The following NOTCH1 variants were observed in gnomAD, a reference collection of about 807,000 sequenced individuals.
NOTCH1 encodes neurogenic locus notch homolog protein 1.
Under a neutral mutation model 254.8 loss-of-function variants are expected in NOTCH1, and 37 were observed. The ratio of observed to expected loss-of-function variants is 0.15; its 90% CI spans 0.11 to 0.19. The LOEUF (loss-of-function observed/expected upper bound fraction) is 0.19, where lower values mean the gene tolerates loss of function less well. Among genes scored for constraint, NOTCH1 ranks in the 10% least tolerant of loss-of-function variants. NOTCH1 has a pLI of 1.00. For synonymous variants in NOTCH1, 1,731 were observed against 1,618.1 expected (o/e 1.07, Z -1.68); for missense variants, 2,972 against 3,708.6 (o/e 0.80, Z 5.16).
chr9:136,545,839 G>C lies in NOTCH1; in HGVS notation c.-53C>G, dbSNP rs1843808312. 8 of 1,034,326 alleles carry C rather than the reference G, an allele frequency of 7.7e-6. No individual in the cohort carries two copies. Among genetic ancestry groups the C allele is most frequent in the Non-Finnish European group, 8.5e-6 (7 of 822,064 alleles). 64.1% of individuals were successfully genotyped at this position (1,034,326 alleles called of 1,614,324 possible). A position where few individuals can be genotyped will look rare whatever the true frequency, so the allele number is the denominator to read the frequency against. On this transcript the variant is annotated 5_prime_UTR_variant, in exon 1 of 34. Transcript: ENST00000651671. This position sits in a 1 kb window ranked among gnomAD's most constrained non-coding sequence, Gnocchi z 6.8. ...CGGGCGGCGGCCTCCTGCGCTGGCCGGCGGGGCTGGGACGCACACGCGCGG... is the reference window on the plus strand; with the variant it reads ...CGGGCGGCGGCCTCCTGCGCTGGCCCGCGGGGCTGGGACGCACACGCGCGG...
At position 136,497,351 on chromosome 9, in the gene NOTCH1, C is replaced by G. The variant is rs915267438; in HGVS notation, c.6388G>C (p.Gly2130Arg). ...RSPQLHGAPL[G>R]GTPTLSPPLC... ...GGGGGCGACAGGGTGGGCGTGCCCC[C>G]CAGCGGGGCTCCGTGCAGCTGCGGG... The change falls in exon 34 of 34, where the codon GGG becomes CGG. Residue 2130 changes from glycine to arginine, a missense_variant. Gly to Arg is a moderately radical substitution (Grantham distance 125, BLOSUM62 -2). Coordinates refer to ENST00000651671, the MANE Select transcript of NOTCH1 (RefSeq NM_017617.5). 5.0e-6 allele frequency: 8 copies of G among 1,606,596 alleles called. No individual in the cohort carries two copies. The highest frequency in any genetic ancestry group is 4.0e-5 in the African/African-American group (3 of 74,924).
At chr9:136,509,099 G>A (rs1279270867) in intron 18 of NOTCH1, 28 bp from the exon 19 acceptor site, 8 of 1,543,286 alleles carry the variant, frequency 5.2e-6, no homozygotes, top group Non-Finnish European at 7.0e-6. Flanking sequence ...GGCGGGGGCT[G>A]AGTGGAGGGC....
At chr9:136,500,898 A>C (rs1842985216) in intron 30 of NOTCH1, 51 bp from the exon 31 acceptor site, 2 of 1,528,168 alleles carry the variant, frequency 1.3e-6, no homozygotes. Flanking sequence ...CCCCAGCTGC[A>C]GCCCAGGGGG....
chr9:136,498,759 GTGGGGCCCACATGCGGGC>G, intron 33 of NOTCH1, 122 bp downstream of exon 33: 1 of 936,818 alleles, frequency 1.1e-6, no homozygotes, highest in Non-Finnish European at 1.7e-6. Flanking sequence ...CATCATGCGG[GTGGGGCCCACATGCGGGC>G]CCAGCGACCC....
At position 136,506,444 on chromosome 9, in the gene NOTCH1, G is replaced by A. The variant is rs979010825; in HGVS notation, c.4014+83C>T. On this transcript the variant is annotated intron_variant, in intron 24 of 33. Coordinates refer to ENST00000651671, the MANE Select transcript of NOTCH1 (RefSeq NM_017617.5). The surrounding 1 kb of genome is among the most constrained non-coding windows in gnomAD (Gnocchi z 4.5). The stretch of plus-strand genomic sequence containing the variant: ...ATGAAGGCCGGGAGGATCACTGCCC[G>A]GTCTGCGCCCCGAGGCCCCCACGTG... The A allele has an allele frequency of 6.6e-6, 8 of 1,216,054 alleles. No individual in the cohort carries two copies. The highest frequency in any genetic ancestry group is 5.2e-5 in the South Asian group (4 of 77,268). 75.3% of individuals were successfully genotyped at this position (1,216,054 alleles called of 1,614,324 possible).
At chr9:136,520,190 G>A (rs1843344368) in intron 4 of NOTCH1, among the ~76,000 whole-genome samples, 1 of 152,152 alleles carries the variant, frequency 6.6e-6, no homozygotes, top group African/African-American at 2.4e-5. Flanking sequence ...ACTCCCGCTG[G>A]TTCAATGATC....
chr9:136,496,957 C>T lies in NOTCH1; in HGVS notation c.6782G>A (p.Gly2261Asp), dbSNP rs914963993. 2 of 1,610,940 alleles carry T rather than the reference C, an allele frequency of 1.2e-6. No individual in the cohort carries two copies. Among genetic ancestry groups the T allele is most frequent in the Middle Eastern group, 1.7e-4 (1 of 5,944 alleles). Residue 2261 changes from glycine (G) to aspartate (D), a missense_variant, in exon 34 of 34, where the codon GGC becomes GAC. By Grantham distance (94) the Gly-to-Asp change is moderately conservative. Transcript: ENST00000651671. ...AKPEMAALGG[G>D]GRLAFETGPP... is the part of the protein sequence containing the mutation. The stretch of plus-strand genomic sequence containing the variant: ...GCCAGTCTCAAAGGCCAGCCGGCCG[C>T]CCCCACCCAGCGCCGCCATCTCGGG...
At chr9:136,516,910 G>A (rs1424032161) in intron 9 of NOTCH1, among the ~76,000 whole-genome samples, 2 of 151,936 alleles carry the variant, frequency 1.3e-5, no homozygotes, top group African/African-American at 4.8e-5. Context: ...CCAATGGCCA[G>A]GCCCCCCTCA....
intron 9 of NOTCH1, among the ~76,000 whole-genome samples, chr9:136,516,368 G>T (rs922515599): frequency 3.3e-5 from 5 of 152,222 alleles, no homozygotes; most frequent in African/African-American, 1.2e-4. Context: ...GCTGAGAATG[G>T]GGCTCCCCTC....
rs1238304834 is a variant in NOTCH1, at chr9:136,515,368, C to T, written c.1936G>A (p.Ala646Thr). The change falls in exon 12 of 34, where the codon GCC becomes ACC. Residue 646 changes from alanine to threonine, a missense_variant. Transcript: ENST00000651671. Reference protein sequence around the residue: ...PNCEINLDDCASSPCDSGTCL... With the variant: ...PNCEINLDDCTSSPCDSGTCL... ...GTGCCCGAGTCGCAGGGGCTGCTGG[C>T]ACAGTCATCCAGGTTGATCTCGCAG... 2 of 1,613,024 alleles carry T rather than the reference C, an allele frequency of 1.2e-6. No homozygotes were observed. Among genetic ancestry groups the T allele is most frequent in the Non-Finnish European group, 1.7e-6 (2 of 1,179,982 alleles).
Position 136,501,739 on chromosome 9 carries a change from C to A in NOTCH1, c.5638+9G>T. 6.2e-7 allele frequency: 1 copy of A among 1,610,438 alleles called. No individual in the cohort carries two copies. Among genetic ancestry groups the A allele is most frequent in the Non-Finnish European group, 8.5e-7 (1 of 1,179,712 alleles). ...GGGCTAGGGAAGCCCTGGCTGCTGGCACCCTTACCAGGCCCGCGGACATTG... is the reference window on the plus strand; with the variant it reads ...GGGCTAGGGAAGCCCTGGCTGCTGGAACCCTTACCAGGCCCGCGGACATTG... On this transcript the variant is annotated intron_variant, in intron 30 of 33. Transcript: ENST00000651671.
rs2133342981 is a variant in NOTCH1 at position 136,506,673 on chromosome 9, C to A, written c.3902-34G>T. On this transcript the variant is annotated intron_variant, in intron 23 of 33. Transcript: ENST00000651671. The surrounding 1 kb of genome is among the most constrained non-coding windows in gnomAD (Gnocchi z 4.5). ...AAGAGCAGGGCAGTGAGAGGCTCAC[C>A]CTGCTGCCCCACACGCCCCACCCGC... 6.3e-7 allele frequency: 1 copy of A among 1,597,658 alleles called. No individual in the cohort carries two copies. The highest frequency in any genetic ancestry group is 8.5e-7 in the Non-Finnish European group (1 of 1,172,930).
At chr9:136,510,345 T>G (rs1843158878) in intron 17 of NOTCH1, among the ~76,000 whole-genome samples, 1 of 151,722 alleles carries the variant, frequency 6.6e-6, no homozygotes, top group South Asian at 2.1e-4. Flanking sequence ...AGCCCTGGCC[T>G]GCAGCGGGGC....
At chr9:136,519,362 G>A (rs1265468269) in intron 5 of NOTCH1, 81 bp downstream of exon 5, 72 of 1,578,600 alleles carry the variant, frequency 4.6e-5, no homozygotes, top group African/African-American at 4.0e-5. Flanking sequence ...GCTGCTCCCC[G>A]CTATGCCTGT....
rs369957486 is a variant in NOTCH1, at chr9:136,499,437, G to A, written c.5935-178C>T. ...TGGGGCTGCCCCTGAGGAGGGGCCC[G>A]GATGGGGGCAGGGGCTGTGCTGCCC... On this transcript the variant is annotated intron_variant, in intron 31 of 33. Coordinates refer to ENST00000651671, the MANE Select transcript of NOTCH1 (RefSeq NM_017617.5). Among the ~76,000 whole-genome samples the A allele has an allele frequency of 3.6e-3, 548 of 152,356 alleles. 5 individuals are homozygous for A. Among genetic ancestry groups the A allele is most frequent in the African/African-American group, 0.013 (522 of 41,580 alleles).
Position 136,497,255 on chromosome 9 carries a change from T to A in NOTCH1, c.6484A>T (p.Ser2162Cys), listed in dbSNP as rs1296693438. The change falls in exon 34 of 34, where the codon AGC becomes TGC. Residue 2162 changes from serine (S) to cysteine (C), a missense_variant. Ser to Cys is a moderately radical substitution (Grantham distance 112). Coordinates refer to ENST00000651671, the MANE Select transcript of NOTCH1 (RefSeq NM_017617.5). Reference sequence around the variant, plus strand: ...CTTCCACAGGCCAGGCCTTTGCTGCTGGGCTTGCGGACCTTCTTGCCCTGC... The same window carrying A: ...CTTCCACAGGCCAGGCCTTTGCTGCAGGGCTTGCGGACCTTCTTGCCCTGC... ...GVQGKKVRKP[S>C]SKGLACGSKE... 1 of 1,611,828 alleles carries A rather than the reference T, an allele frequency of 6.2e-7. No individual in the cohort carries two copies. Among genetic ancestry groups the A allele is most frequent in the Admixed American group, 1.7e-5 (1 of 60,024 alleles).
intron 2 of NOTCH1, among the ~76,000 whole-genome samples, chr9:136,533,352 A>C (rs1843591813): frequency 6.6e-6 from 1 of 152,006 alleles, no homozygotes; most frequent in Non-Finnish European, 1.5e-5. Flanking sequence ...GGGAAACCAC[A>C]CATGTTCAAC....
rs1158774637 is a variant in NOTCH1, at chr9:136,509,943, C to T, written c.2759G>A (p.Gly920Asp). ...CGTGTTGATGCCGTCTGTGCAGGAG[C>T]CCCCGTTGTGACACGGGTCTGGGAG... ...DCRPNPCHNGGSCTDGINTAF... is the reference protein window; with the variant it reads ...DCRPNPCHNGDSCTDGINTAF... The change falls in exon 18 of 34, where the codon GGC becomes GAC. Residue 920 changes from glycine (G) to aspartate (D), a missense_variant. Transcript: ENST00000651671. 1.2e-6 allele frequency: 2 copies of T among 1,613,018 alleles called. No individual in the cohort carries two copies. The highest frequency in any genetic ancestry group is 1.7e-6 in the Non-Finnish European group (2 of 1,180,010).
chr9:136,524,932 G>A (rs140449226), intron 2 of NOTCH1, among the ~76,000 whole-genome samples: 7 of 152,138 alleles, frequency 4.6e-5, no homozygotes, highest in East Asian at 3.9e-4. Flanking sequence ...CACCGCGCCC[G>A]GCCAGGAAGC....
Sources: allele counts gnomAD v4.1 joint callset (sites outside exome capture counted in the v4.1 genomes callset), GRCh38; gene constraint gnomAD v4.1.1; non-coding constraint Gnocchi (gnomAD v3.1); transcripts MANE v1.5; gene names NCBI Gene and HGNC (gene_info 2026-07-23, HGNC 2026-07-21).